ELMO1: variants seen among roughly 807,000 people sequenced by gnomAD.
ELMO1 encodes the protein engulfment and cell motility protein 1.
A neutral mutation model predicts 98.9 loss-of-function variants in ELMO1; 26 were observed. The ratio of observed to expected loss-of-function variants is 0.26; its 90% CI spans 0.19 to 0.36. ELMO1 has a LOEUF of 0.36. Ranked by LOEUF, ELMO1 falls within the 10% of genes least tolerant of loss-of-function variation. The probability of loss-of-function intolerance (pLI) is 1.00; values close to 1 mark genes in which losing one functional copy is unlikely to be tolerated. For synonymous variants in ELMO1, 346 were observed against 346.0 expected, an observed-to-expected ratio of 1.00 and a Z score of 0.00; for missense variants, 627 against 935.2, an observed-to-expected ratio of 0.67 and a Z score of 4.30.
At chr7:36,872,484 C>A (rs1007524145) in intron 19 of ELMO1, among the ~76,000 whole-genome samples, 8 of 152,322 alleles carry the variant, frequency 5.3e-5, no homozygotes, top group South Asian at 2.1e-4. Flanking sequence ...CCCTGCAGCA[C>A]AAGGTAGCAT....
intron 13 of ELMO1, among the ~76,000 whole-genome samples, chr7:37,166,081 C>A (rs894736633): frequency 6.6e-6 from 1 of 152,248 alleles, no homozygotes; most frequent in African/African-American, 2.4e-5. Flanking sequence ...GTGTATGTGT[C>A]GAGGAATTTA....
intron 1 of ELMO1, among the ~76,000 whole-genome samples, chr7:37,397,725 C>T (rs992335620): frequency 1.3e-5 from 2 of 152,202 alleles, no homozygotes; most frequent in South Asian, 4.1e-4. Context: ...GCACTCTTCA[C>T]AATAGCAAAG....
intron 14 of ELMO1, among the ~76,000 whole-genome samples, chr7:37,108,192 AC>A (rs2129273497): frequency 6.6e-6 from 1 of 152,276 alleles, no homozygotes; most frequent in Admixed American, 6.5e-5. Flanking sequence ...TCATCTCATC[AC>A]ATCTCATTCT....
At chr7:37,084,815 G>A (rs1308756813) in intron 15 of ELMO1, among the ~76,000 whole-genome samples, 1 of 149,240 alleles carries the variant, frequency 6.7e-6, no homozygotes, top group Non-Finnish European at 1.5e-5. Flanking sequence ...GGGATGCAGT[G>A]GCATGATGTT....
intron 21 of ELMO1, among the ~76,000 whole-genome samples, chr7:36,858,986 T>C (rs962713037): frequency 3.9e-5 from 6 of 152,212 alleles, no homozygotes; most frequent in African/African-American, 1.2e-4. Flanking sequence ...AGTAAGCTAA[T>C]ACATAAAGTT....
intron 1 of ELMO1, among the ~76,000 whole-genome samples, chr7:37,405,650 C>A (rs6977706): frequency 1.3e-5 from 2 of 151,942 alleles, no homozygotes; most frequent in Non-Finnish European, 1.5e-5. Context: ...CTCAAGGCGT[C>A]GGGCTTGTTA....
At chr7:37,380,170 C>T (rs186887749) in intron 1 of ELMO1, among the ~76,000 whole-genome samples, 75 of 152,304 alleles carry the variant, frequency 4.9e-4, no homozygotes, top group Non-Finnish European at 8.4e-4. Context: ...CATGTACAGA[C>T]TTCCTCTTCC....
At chr7:36,873,004 T>C (rs972352129) in intron 19 of ELMO1, among the ~76,000 whole-genome samples, 4 of 152,142 alleles carry the variant, frequency 2.6e-5, no homozygotes, top group Non-Finnish European at 5.9e-5. Flanking sequence ...GTCTTCAGAA[T>C]CTCTAATAGA....
intron 14 of ELMO1, among the ~76,000 whole-genome samples, chr7:37,098,356 G>C (rs1287457377): frequency 6.6e-6 from 1 of 152,170 alleles, no homozygotes; most frequent in African/African-American, 2.4e-5. Flanking sequence ...AAACAAAAGA[G>C]GTAGTTACAG....
At chr7:37,273,452 G>A (rs1273957967) in intron 4 of ELMO1, among the ~76,000 whole-genome samples, 1 of 152,120 alleles carries the variant, frequency 6.6e-6, no homozygotes, top group Non-Finnish European at 1.5e-5. Flanking sequence ...TTACCTTTCT[G>A]CCATGATTGT....
intron 14 of ELMO1, among the ~76,000 whole-genome samples, chr7:37,101,687 A>G (rs1170840593): frequency 6.6e-6 from 1 of 151,922 alleles, no homozygotes; most frequent in East Asian, 1.9e-4. Flanking sequence ...CTGCCTCAGT[A>G]TCTTATCAGC....
At chr7:37,053,285 A>AACACACACACACACACACACAC (rs59573752) in intron 15 of ELMO1, among the ~76,000 whole-genome samples, 4 of 138,788 alleles carry the variant, frequency 2.9e-5, no homozygotes, top group African/African-American at 5.4e-5. Flanking sequence ...CATTTGTTAA[A>AACACACACACACACACACACAC]ACACACACAC....
intron 13 of ELMO1, among the ~76,000 whole-genome samples, chr7:37,158,468 A>G (rs1440122005): frequency 6.6e-6 from 1 of 152,004 alleles, no homozygotes; most frequent in Non-Finnish European, 1.5e-5. Flanking sequence ...TAAGAAAAAA[A>G]CAACCCCATC....
chr7:37,263,160 A>T (rs1279943564), intron 5 of ELMO1, among the ~76,000 whole-genome samples: 1 of 152,132 alleles, frequency 6.6e-6, no homozygotes, highest in Non-Finnish European at 1.5e-5. Flanking sequence ...TATATAAAAA[A>T]AGTGGGAATC....
chr7:37,260,105 A>G (rs1351257392), intron 5 of ELMO1, among the ~76,000 whole-genome samples: 1 of 152,234 alleles, frequency 6.6e-6, no homozygotes, highest in Non-Finnish European at 1.5e-5. Context: ...TGTTTTATTC[A>G]TCAAGTCAAG....
chr7:37,028,551 CTTAT>C (rs544120943), intron 15 of ELMO1, among the ~76,000 whole-genome samples: 185 of 152,186 alleles, frequency 1.2e-3, no homozygotes, highest in African/African-American at 4.1e-3. Context: ...TCAAGGACTA[CTTAT>C]TTGTTTATTG....
At chr7:37,324,027 G>C (rs1209163087) in intron 2 of ELMO1, among the ~76,000 whole-genome samples, 2 of 152,144 alleles carry the variant, frequency 1.3e-5, no homozygotes, top group Non-Finnish European at 2.9e-5. Flanking sequence ...GTCCTTGGCT[G>C]TTTATTTAGG....
At chr7:37,394,691 C>A in intron 1 of ELMO1, among the ~76,000 whole-genome samples, 1 of 152,104 alleles carries the variant, frequency 6.6e-6, no homozygotes, top group East Asian at 1.9e-4. Flanking sequence ...ACCAGATCTG[C>A]AGAATTTTGC....
chr7:37,147,427 A>G (rs528150356), intron 13 of ELMO1, among the ~76,000 whole-genome samples: 3 of 152,152 alleles, frequency 2.0e-5, no homozygotes, highest in Non-Finnish European at 4.4e-5. Context: ...TGGGCTGGAC[A>G]ACTCCACAAC....
Sources: gnomAD v4.1 joint callset for allele counts (sites outside exome capture counted in the v4.1 genomes callset) on GRCh38, gnomAD v4.1.1 for gene constraint, MANE v1.5 for transcripts, NCBI Gene and HGNC (gene_info 2026-07-23, HGNC 2026-07-21) for gene names.